The following PTPN5 variants were observed in gnomAD, a reference collection of about 807,000 sequenced individuals.
The protein encoded by PTPN5 is protein tyrosine phosphatase non-receptor type 5, also known as tyrosine-protein phosphatase non-receptor type 5.
PTPN5 carries 29 observed loss-of-function variants against 73.9 expected under a neutral mutation model. The observed-to-expected ratio is 0.39, with a 90% confidence interval of 0.29 to 0.54. The LOEUF is 0.54. PTPN5 is among the 20% of genes least tolerant of loss of function. The pLI is 0.65. For synonymous variants in PTPN5, 267 were observed against 304.7 expected (o/e 0.88, Z 1.29); for missense variants, 652 against 751.4 (o/e 0.87, Z 1.55).
intron 1 of PTPN5, among the ~76,000 whole-genome samples, chr11:18,775,265 G>C (rs1324942829): frequency 6.6e-6 from 1 of 152,144 alleles, no homozygotes; most frequent in African/African-American, 2.4e-5. Flanking sequence ...AAATACAATA[G>C]GAAGAGACAG....
chr11:18,742,891 C>T lies in PTPN5; in HGVS notation c.483+101G>A. On this transcript the variant is annotated intron_variant, in intron 6 of 14. Coordinates refer to ENST00000358540, the MANE Select transcript of PTPN5 (RefSeq NM_006906.2). The surrounding 1 kb of genome is among the most constrained non-coding windows in gnomAD (Gnocchi z 4.1). ...GAGATAGGTATCCCTCCTTGCCCCACCCAGAATGTCCAGCCTATAAGTCAG... is the reference window on the plus strand; with the variant it reads ...GAGATAGGTATCCCTCCTTGCCCCATCCAGAATGTCCAGCCTATAAGTCAG... 1.2e-6 allele frequency: 1 copy of T among 833,844 alleles called. No homozygotes were observed. The highest frequency in any genetic ancestry group is 2.7e-5 in the East Asian group (1 of 37,686). 51.7% of individuals were successfully genotyped at this position (833,844 alleles called of 1,614,324 possible).
chr11:18,773,732 A>G (rs1391823671), intron 1 of PTPN5, among the ~76,000 whole-genome samples: 1 of 152,202 alleles, frequency 6.6e-6, no homozygotes, highest in East Asian at 1.9e-4. Context: ...TAAGGATTAA[A>G]AAAATCAACC....
intron 1 of PTPN5, among the ~76,000 whole-genome samples, chr11:18,790,969 G>C (rs958975093): frequency 6.6e-6 from 1 of 152,140 alleles, no homozygotes; most frequent in Admixed American, 6.5e-5. Flanking sequence ...GGCAATCTCC[G>C]GTTTTGCAGG....
intron 3 of PTPN5, among the ~76,000 whole-genome samples, chr11:18,747,148 C>A (rs908867221): frequency 1.3e-5 from 1 of 78,360 alleles, no homozygotes; most frequent in African/African-American, 3.7e-5. Context: ...TTGGACTTGG[C>A]TGCATTTTTT....
At chr11:18,730,058 A>G (rs1195459175) in intron 12 of PTPN5, 1 of 583,522 alleles carries the variant, frequency 1.7e-6, no homozygotes. Flanking sequence ...GTCCTGCCCC[A>G]ACAACTTCAG....
intron 3 of PTPN5, among the ~76,000 whole-genome samples, chr11:18,745,654 CTTTCA>C (rs1232512081): frequency 1.3e-5 from 2 of 152,140 alleles, no homozygotes; most frequent in African/African-American, 4.8e-5. Flanking sequence ...CCATGCCTCT[CTTTCA>C]TATCATCATC....
chr11:18,787,433 T>C (rs1851721456), intron 1 of PTPN5, among the ~76,000 whole-genome samples: 1 of 152,224 alleles, frequency 6.6e-6, no homozygotes, highest in Admixed American at 6.5e-5. Flanking sequence ...TTCTCTTAGA[T>C]TCATTAACAT....
In PTPN5 at chr11:18,765,857, T is replaced by C. The variant is rs1190978807; in HGVS notation, c.47A>G (p.Asp16Gly). Residue 16 changes from aspartate (D) to glycine (G), a missense_variant, in exon 3 of 15, where the codon GAT becomes GGT. Around this residue, in one of 3 missense-constraint regions of PTPN5, gnomAD observed 529 missense variants for 573.9 expected, o/e 0.92. Coordinates refer to ENST00000358540, the MANE Select transcript of PTPN5 (RefSeq NM_006906.2). Reference protein sequence around the residue: ...ARSERENHAADDSEGGALDMC... With the variant: ...ARSERENHAAGDSEGGALDMC... ...GTCCAGGGCCCCTCCCTCGGAGTCA[T>C]CAGCAGCGTGGTTCTCTCTCTCACT... is the stretch of plus-strand genomic sequence containing the variant. 2 of 1,581,418 alleles carry C rather than the reference T, an allele frequency of 1.3e-6. No homozygotes were observed. The highest frequency in any genetic ancestry group is 1.3e-5 in the African/African-American group (1 of 74,446).
chr11:18,787,919 T>C (rs1369143553), intron 1 of PTPN5, among the ~76,000 whole-genome samples: 1 of 152,170 alleles, frequency 6.6e-6, no homozygotes, highest in Admixed American at 6.5e-5. Context: ...ATGAATGAAC[T>C]GGTTCTTGAT....
intron 2 of PTPN5, among the ~76,000 whole-genome samples, chr11:18,769,896 A>C (rs1396741847): frequency 6.6e-6 from 1 of 152,148 alleles, no homozygotes; most frequent in African/African-American, 2.4e-5. Context: ...CGTGGGCAAG[A>C]AGCAGCCTAG....
intron 3 of PTPN5, among the ~76,000 whole-genome samples, chr11:18,751,754 A>G (rs546696379): frequency 2.0e-5 from 3 of 152,234 alleles, no homozygotes; most frequent in Non-Finnish European, 4.4e-5. Context: ...TATCAGCTAC[A>G]TGACTTAGGC....
intron 2 of PTPN5, among the ~76,000 whole-genome samples, chr11:18,771,062 C>A (rs1271731490): frequency 6.6e-6 from 1 of 152,170 alleles, no homozygotes; most frequent in Non-Finnish European, 1.5e-5. Context: ...GGAGCCTGAG[C>A]CTGCTTCCAA....
intron 1 of PTPN5, among the ~76,000 whole-genome samples, chr11:18,775,834 C>T (rs1238430793): frequency 2.0e-5 from 3 of 152,188 alleles, no homozygotes; most frequent in East Asian, 1.9e-4. Context: ...TCAGGTTTAA[C>T]GAGGCAGAGG....
At chr11:18,790,392 A>G (rs556087161) in intron 1 of PTPN5, among the ~76,000 whole-genome samples, 1 of 152,164 alleles carries the variant, frequency 6.6e-6, no homozygotes, top group Non-Finnish European at 1.5e-5. Context: ...GGAGAAGAGG[A>G]CGAATCCTGG....
intron 3 of PTPN5, among the ~76,000 whole-genome samples, chr11:18,765,282 C>A (rs1483236139): frequency 6.6e-6 from 1 of 152,046 alleles, no homozygotes; most frequent in Non-Finnish European, 1.5e-5. Flanking sequence ...ACCCTGTGGG[C>A]AAGAGTGCCT....
At chr11:18,752,113 C>T (rs1188042945) in intron 3 of PTPN5, among the ~76,000 whole-genome samples, 1 of 152,138 alleles carries the variant, frequency 6.6e-6, no homozygotes, top group Non-Finnish European at 1.5e-5. Flanking sequence ...CGTCTGTAGT[C>T]CCAGCTACTC....
At chr11:18,769,781 G>A (rs1435291461) in intron 2 of PTPN5, among the ~76,000 whole-genome samples, 1 of 152,244 alleles carries the variant, frequency 6.6e-6, no homozygotes, top group Admixed American at 6.5e-5. Flanking sequence ...CAAATAGAAA[G>A]AGCAAGGCAT....
In PTPN5 at chr11:18,747,489, G is replaced by A. The variant is rs546937238; in HGVS notation, c.98-3290C>T. Among the ~76,000 whole-genome samples the A allele has an allele frequency of 7.9e-5, 12 of 152,192 alleles. No individual in the cohort carries two copies. In the South Asian group the frequency reaches 1.2e-3, roughly 16 times the overall value. On this transcript the variant is annotated intron_variant, in intron 3 of 14. Coordinates refer to ENST00000358540, the MANE Select transcript of PTPN5 (RefSeq NM_006906.2). ...ATGGGTGTTCTGCATTCTACACTAC[G>A]ATATATTTGTACTCGTTTTGATATG... is the stretch of plus-strand genomic sequence containing the variant.
In PTPN5 at chr11:18,743,055, C is replaced by G. The variant is rs148556134; in HGVS notation, c.420G>C (p.Thr140=). ...LEPTAWLDSG[T]WGVPSLLLVF... The stretch of plus-strand genomic sequence containing the variant: ...CCAGCAGCAGACTGGGGACTCCCCA[C>G]GTCCCAGAGTCAAGCCAGGCCTGGG... The change falls in exon 6 of 15, where the codon ACG becomes ACC. Residue 140 remains threonine, a synonymous_variant. Transcript: ENST00000358540. The G allele has an allele frequency of 3.9e-6, 6 of 1,551,400 alleles. No individual in the cohort carries two copies. The highest frequency in any genetic ancestry group is 5.2e-6 in the Non-Finnish European group (6 of 1,146,684).
Sources: gnomAD v4.1 joint callset for allele counts (sites outside exome capture counted in the v4.1 genomes callset) on GRCh38, gnomAD v4.1.1 for gene constraint, gnomAD v4.1.1 regional missense constraint, Gnocchi (gnomAD v3.1) non-coding constraint, MANE v1.5 for transcripts, NCBI Gene and HGNC (gene_info 2026-07-23, HGNC 2026-07-21) for gene names.